Variants in MXI1 observed in about 807,000 individuals in gnomAD.
MXI1 encodes the protein max-interacting protein 1.
In MXI1, 18 loss-of-function variants were observed where a neutral mutation model predicts 36.9. The ratio of observed to expected loss-of-function variants is 0.49; its 90% CI spans 0.34 to 0.72. The LOEUF is 0.72. Among genes scored for constraint, MXI1 ranks in the 30% least tolerant of loss-of-function variants. MXI1 has a pLI of 0.01. For missense variants in MXI1, 304 were observed against 379.1 expected (o/e 0.80, Z 1.64); for synonymous variants, 160 against 146.7 (o/e 1.09, Z -0.65).
intron 3 of MXI1, among the ~76,000 whole-genome samples, chr10:110,258,374 C>T (rs1034323443): frequency 5.9e-5 from 9 of 152,072 alleles, no homozygotes; most frequent in African/African-American, 2.2e-4. Flanking sequence ...CTGTAGAACA[C>T]TTATGTCTTG....
chr10:110,275,858 A>G (rs539772892), intron 3 of MXI1, among the ~76,000 whole-genome samples: 138 of 152,326 alleles, frequency 9.1e-4, no homozygotes, highest in Non-Finnish European at 1.7e-3. Context: ...AATATGAAGA[A>G]TGGCATCACT....
intron 3 of MXI1, among the ~76,000 whole-genome samples, chr10:110,258,966 A>G (rs1283535630): frequency 6.6e-6 from 1 of 152,150 alleles, no homozygotes; most frequent in Admixed American, 6.6e-5. Flanking sequence ...TACTTCAGCT[A>G]GCCAGTTATT....
intron 1 of MXI1, among the ~76,000 whole-genome samples, chr10:110,221,114 C>A (rs1323536646): frequency 3.3e-5 from 5 of 152,136 alleles, no homozygotes; most frequent in African/African-American, 1.2e-4. Context: ...TGATGGCAAC[C>A]TTTCCTTGGG....
intron 1 of MXI1, among the ~76,000 whole-genome samples, chr10:110,215,031 GTTT>G (rs1310002307): frequency 2.0e-5 from 2 of 98,142 alleles, no homozygotes; most frequent in South Asian, 7.5e-4. Context: ...CTCCACTTCA[GTTT>G]TTTTTTTTGT....
intron 3 of MXI1, among the ~76,000 whole-genome samples, chr10:110,259,235 A>G (rs779240055): frequency 5.3e-5 from 8 of 152,110 alleles, no homozygotes; most frequent in Non-Finnish European, 1.0e-4. Flanking sequence ...ATGAATTTGT[A>G]ATTTAAAAAA....
At chr10:110,280,597 G>A (rs906706385) in intron 5 of MXI1, among the ~76,000 whole-genome samples, 6 of 151,404 alleles carry the variant, frequency 4.0e-5, no homozygotes, top group African/African-American at 9.7e-5. Context: ...GGAGAATGGC[G>A]TGAACCCGGG....
intron 2 of MXI1, among the ~76,000 whole-genome samples, chr10:110,229,488 A>G (rs1855184299): frequency 6.6e-6 from 1 of 152,202 alleles, no homozygotes; most frequent in South Asian, 2.1e-4. Context: ...AGGTTGGATC[A>G]TCCCACTCTG....
At chr10:110,242,447 T>TA (rs906063263) in intron 2 of MXI1, among the ~76,000 whole-genome samples, 43 of 151,968 alleles carry the variant, frequency 2.8e-4, no homozygotes, top group South Asian at 2.1e-3. Flanking sequence ...GATGCTTTTG[T>TA]AAAAAAAATT....
intron 3 of MXI1, among the ~76,000 whole-genome samples, chr10:110,272,817 T>C (rs890955482): frequency 5.9e-5 from 9 of 151,938 alleles, no homozygotes; most frequent in African/African-American, 2.2e-4. Context: ...AGCTGCTTTT[T>C]TGAAAAGTGA....
Position 110,265,208 on chromosome 10 carries a change from CT to C in MXI1, c.438-13968del, listed in dbSNP as rs202155548. Among the ~76,000 whole-genome samples the C allele has an allele frequency of 2.2e-3, 329 of 152,268 alleles. 11 individuals carry two copies. In the East Asian group the frequency reaches 0.047, roughly 22 times the overall value. On this transcript the variant is annotated intron_variant, in intron 3 of 5. Coordinates refer to ENST00000332674, the MANE Select transcript of MXI1 (RefSeq NM_130439.3). Reference sequence around the variant, plus strand: ...TAAATAATAGTTAAGAATTGTTTATCTTTTAGCAACAGTTTTACTATATTCA... The same window carrying C: ...TAAATAATAGTTAAGAATTGTTTATCTTTAGCAACAGTTTTACTATATTCA...
intron 2 of MXI1, among the ~76,000 whole-genome samples, chr10:110,236,189 T>C (rs1855471013): frequency 2.1e-5 from 3 of 141,590 alleles, no homozygotes; most frequent in Non-Finnish European, 3.1e-5. Flanking sequence ...GTTGTTCCAG[T>C]ATCATTTGTT....
At chr10:110,269,376 C>T (rs1381819727) in intron 3 of MXI1, among the ~76,000 whole-genome samples, 1 of 152,128 alleles carries the variant, frequency 6.6e-6, no homozygotes, top group Non-Finnish European at 1.5e-5. Flanking sequence ...TTTAAAGGTG[C>T]TTTGCTATTT....
intron 3 of MXI1, among the ~76,000 whole-genome samples, 200 bp downstream of exon 3, chr10:110,245,057 AT>A (rs1314443850): frequency 2.0e-5 from 3 of 152,178 alleles, no homozygotes; most frequent in Non-Finnish European, 2.9e-5. Context: ...ACATAAATAC[AT>A]TTTTAAAGCT....
chr10:110,221,999 A>G (rs577976263), intron 1 of MXI1, among the ~76,000 whole-genome samples: 6 of 152,076 alleles, frequency 3.9e-5, no homozygotes, highest in Admixed American at 3.9e-4. Flanking sequence ...CTGCACACAG[A>G]CCCGCAGCTC....
At chr10:110,248,048 A>C (rs577224981) in intron 3 of MXI1, among the ~76,000 whole-genome samples, 64 of 152,322 alleles carry the variant, frequency 4.2e-4, no homozygotes, top group African/African-American at 1.5e-3. Context: ...CTTTGTAGGG[A>C]CATGGATGAA....
At chr10:110,255,773 C>G (rs370509097) in intron 3 of MXI1, among the ~76,000 whole-genome samples, 2 of 151,996 alleles carry the variant, frequency 1.3e-5, no homozygotes, top group Non-Finnish European at 2.9e-5. Flanking sequence ...CAGTGCAAGC[C>G]CTATGAAAGT....
intron 3 of MXI1, among the ~76,000 whole-genome samples, chr10:110,253,515 C>T (rs1181306682): frequency 6.6e-6 from 1 of 152,084 alleles, no homozygotes; most frequent in African/African-American, 2.4e-5. Context: ...TTTTTTTACA[C>T]GGTGTACACA....
chr10:110,252,022 T>TA (rs778657616), intron 3 of MXI1, among the ~76,000 whole-genome samples: 3 of 152,196 alleles, frequency 2.0e-5, no homozygotes, highest in Non-Finnish European at 4.4e-5. Context: ...ACAAAGCATT[T>TA]AAAAAAGTAC....
intron 3 of MXI1, among the ~76,000 whole-genome samples, chr10:110,249,587 AAAAAG>A (rs1590370878): frequency 6.6e-6 from 1 of 151,958 alleles, no homozygotes; most frequent in East Asian, 1.9e-4. Context: ...AAAAAAAAAA[AAAAAG>A]AAGGTACACT....
Sources: allele counts gnomAD v4.1 joint callset (sites outside exome capture counted in the v4.1 genomes callset), GRCh38; gene constraint gnomAD v4.1.1; transcripts MANE v1.5; gene names NCBI Gene and HGNC (gene_info 2026-07-23, HGNC 2026-07-21).